Variants in COL4A4 observed in about 807,000 individuals in gnomAD.
COL4A4 encodes collagen alpha-4(IV) chain.
A neutral mutation model predicts 192.9 loss-of-function variants in COL4A4; 105 were observed. That is an observed-to-expected ratio of 0.54 (90% confidence interval 0.46 to 0.64). COL4A4 has a LOEUF of 0.64. COL4A4 is among the 30% of genes least tolerant of loss of function. COL4A4 has a pLI of 0.00. For synonymous variants in COL4A4, 762 were observed against 769.9 expected (o/e 0.99, Z 0.17); for missense variants, 1,967 against 2,169.3 (o/e 0.91, Z 1.85).
At chr2:227,098,531 C>T (rs2150736943) in intron 19 of COL4A4, among the ~76,000 whole-genome samples, 163 bp downstream of exon 19, 1 of 152,274 alleles carries the variant, frequency 6.6e-6, no homozygotes, top group Middle Eastern at 3.4e-3. Context: ...GGCCCATCTC[C>T]CAAGAGTCTA....
At chr2:227,111,773 G>T (rs1463123884) in intron 8 of COL4A4, 60 bp from the exon 9 acceptor site, 5 of 1,541,848 alleles carry the variant, frequency 3.2e-6, no homozygotes, top group Non-Finnish European at 4.5e-6. Context: ...CAGAGATTAT[G>T]TAAAAATAGA....
chr2:227,009,344 T>C (rs1342394253), intron 46 of COL4A4, among the ~76,000 whole-genome samples: 2 of 152,198 alleles, frequency 1.3e-5, no homozygotes, highest in Non-Finnish European at 2.9e-5. Context: ...AGACAGTGTT[T>C]CCCGGCAGCC....
intron 22 of COL4A4, among the ~76,000 whole-genome samples, chr2:227,086,214 C>A (rs952353498): frequency 3.9e-5 from 6 of 152,178 alleles, no homozygotes; most frequent in African/African-American, 1.4e-4. Context: ...AGAACTTAAG[C>A]CTAGTTTTCT....
the COL4A4 span, among the ~76,000 whole-genome samples, chr2:226,990,332 G>C: frequency 2.0e-5 from 3 of 152,140 alleles, no homozygotes; most frequent in African/African-American, 7.2e-5. Flanking sequence ...GTCGCATGCT[G>C]CTGCCCTCAT....
intron 25 of COL4A4, among the ~76,000 whole-genome samples, chr2:227,067,670 G>A (rs1350624833): frequency 1.3e-5 from 2 of 152,068 alleles, no homozygotes; most frequent in Non-Finnish European, 1.5e-5. Context: ...TGAAACCAAC[G>A]AGAACAAAGA....
At chr2:227,157,264 A>G (rs1401408807) in intron 1 of COL4A4, among the ~76,000 whole-genome samples, 1 of 152,182 alleles carries the variant, frequency 6.6e-6, no homozygotes, top group Non-Finnish European at 1.5e-5. Flanking sequence ...TAATAAAAAC[A>G]CAACATATCA....
intron 24 of COL4A4, among the ~76,000 whole-genome samples, chr2:227,079,598 G>T (rs1214190805): frequency 6.6e-6 from 1 of 152,152 alleles, no homozygotes; most frequent in Non-Finnish European, 1.5e-5. Flanking sequence ...ACTCTCAGTG[G>T]CTTCCCATTA....
Position 227,109,226 on chromosome 2 carries a change from C to T in COL4A4, c.655G>A (p.Val219Met), listed in dbSNP as rs2061037546. ...PTGYPGEPGL[V>M]GPPGQPGRPG... ...CACATCAGCAGTGCTGTACTTACCACTAACCCTGGCTCTCCAGGATATCCT... is the reference window on the plus strand; with the variant it reads ...CACATCAGCAGTGCTGTACTTACCATTAACCCTGGCTCTCCAGGATATCCT... The change falls in exon 10 of 48, where the codon GTG becomes ATG. Residue 219 changes from valine to methionine, a missense_variant and splice_region_variant. Physicochemically the swap from Val to Met is conservative, Grantham distance 21. Transcript: ENST00000396625. 1 of 1,613,624 alleles carries T rather than the reference C, an allele frequency of 6.2e-7. No homozygotes were observed. Among genetic ancestry groups the T allele is most frequent in the Non-Finnish European group, 8.5e-7 (1 of 1,179,596 alleles).
chr2:226,997,384 A>G, the COL4A4 span: 1 of 152,170 alleles, frequency 6.6e-6, no homozygotes, highest in Non-Finnish European at 1.5e-5. Context: ...TTCTGCTATA[A>G]CACATCTTGC....
At chr2:227,031,642 G>T (rs953125911) in intron 40 of COL4A4, among the ~76,000 whole-genome samples, 4 of 152,176 alleles carry the variant, frequency 2.6e-5, no homozygotes, top group African/African-American at 9.7e-5. Context: ...CACTTCTGAA[G>T]ACATTTGGTC....
chr2:227,028,118 C>T (rs942296844), intron 41 of COL4A4, 109 bp from the exon 42 acceptor site: 31 of 801,600 alleles, frequency 3.9e-5, no homozygotes, highest in Non-Finnish European at 5.6e-5. Context: ...AAATGCAGGG[C>T]ATAGCTAGCC....
the COL4A4 span, among the ~76,000 whole-genome samples, chr2:226,978,241 A>T: frequency 6.6e-6 from 1 of 152,290 alleles, no homozygotes; most frequent in Non-Finnish European, 1.5e-5. Flanking sequence ...TTTTTTTAAA[A>T]TTCAAATATT....
At chr2:227,120,861 C>CT in intron 5 of COL4A4, 153 bp downstream of exon 5, 1 of 937,382 alleles carries the variant, frequency 1.1e-6, no homozygotes, top group East Asian at 2.6e-5. Context: ...CTCGCTTGAA[C>CT]CTGGGAGGCG....
chr2:227,064,937 G>T (rs1256739438), intron 25 of COL4A4, among the ~76,000 whole-genome samples: 1 of 152,162 alleles, frequency 6.6e-6, no homozygotes, highest in African/African-American at 2.4e-5. Flanking sequence ...CGCGCGCGAC[G>T]CAGAAGACGG....
rs1322352969 is a variant in COL4A4 at position 227,041,779 on chromosome 2, GAAGGAAGGGAAA to G, written c.3505+357_3505+368del. Among the ~76,000 whole-genome samples, 452 of 62,554 alleles carry G rather than the reference GAAGGAAGGGAAA, an allele frequency of 7.2e-3. 25 individuals are homozygous for G. The East Asian group carries it at 0.09, about 12-fold the overall frequency. The allele number at this position is 62,554 out of a possible 152,430, so 41.0% of individuals were successfully genotyped here. A position where few individuals can be genotyped will look rare whatever the true frequency, so the allele number is the denominator to read the frequency against. ...GGAAGGAAGGAAGGAAGGAAGGAAG[GAAGGAAGGGAAA>G]GAAAGAAAGAAAGGAAGAAAGAAAG... On this transcript the variant is annotated intron_variant, in intron 37 of 47. Transcript: ENST00000396625.
chr2:227,073,864 C>T (rs1005738603), intron 25 of COL4A4, among the ~76,000 whole-genome samples: 7 of 151,874 alleles, frequency 4.6e-5, no homozygotes, highest in East Asian at 3.9e-4. Context: ...AGAATAAAAC[C>T]GGATTCCTAT....
At chr2:227,134,706 T>C (rs1157267815) in intron 4 of COL4A4, among the ~76,000 whole-genome samples, 3 of 152,196 alleles carry the variant, frequency 2.0e-5, no homozygotes, top group East Asian at 1.9e-4. Context: ...GCAGGGAAAA[T>C]ACTTGCAGTT....
At chr2:227,099,792 A>C in intron 17 of COL4A4, 103 bp from the exon 18 acceptor site, 1 of 989,378 alleles carries the variant, frequency 1.0e-6, no homozygotes, top group East Asian at 2.5e-5. Context: ...TTCATATAAG[A>C]AGCAGAGATT....
At chr2:227,036,583 A>G (rs1380093560) in intron 37 of COL4A4, among the ~76,000 whole-genome samples, 1 of 152,230 alleles carries the variant, frequency 6.6e-6, no homozygotes, top group African/African-American at 2.4e-5. Context: ...AGATTCTGAA[A>G]TAAGATTTAA....
Sources: allele counts gnomAD v4.1 joint callset (sites outside exome capture counted in the v4.1 genomes callset), GRCh38; gene constraint gnomAD v4.1.1; transcripts MANE v1.5; gene names NCBI Gene and HGNC (gene_info 2026-07-23, HGNC 2026-07-21).